The following MCC variants were observed in gnomAD, a reference collection of about 807,000 sequenced individuals.
The protein encoded by MCC is MCC regulator of Wnt signaling pathway.
A neutral mutation model predicts 116.2 loss-of-function variants in MCC; 90 were observed. That is an observed-to-expected ratio of 0.77 (90% confidence interval 0.65 to 0.92). MCC has a LOEUF of 0.92. Ranked by LOEUF, MCC falls within the 40% of genes least tolerant of loss-of-function variation. The pLI is 0.00. For missense variants in MCC, 1,516 were observed against 1,312.2 expected (o/e 1.16, Z -2.40); for synonymous variants, 578 against 510.5 (o/e 1.13, Z -1.78).
chr5:113,463,427 G>C (rs1025864823), intron 1 of MCC, among the ~76,000 whole-genome samples: 1 of 152,184 alleles, frequency 6.6e-6, no homozygotes, highest in African/African-American at 2.4e-5. Context: ...AAGGGAGATG[G>C]AAAGAAGTAG....
intron 3 of MCC, among the ~76,000 whole-genome samples, chr5:113,155,378 T>G (rs1220154630): frequency 6.6e-6 from 1 of 152,228 alleles, no homozygotes; most frequent in East Asian, 1.9e-4. Flanking sequence ...TAAGCCGATT[T>G]TCTTTGCTTT....
intron 8 of MCC, among the ~76,000 whole-genome samples, chr5:113,090,087 G>C (rs1755492987): frequency 6.6e-6 from 1 of 152,168 alleles, no homozygotes; most frequent in Non-Finnish European, 1.5e-5. Flanking sequence ...GCATGGATAA[G>C]GTCCAGGAAG....
At chr5:113,137,264 C>A (rs999144853) in intron 5 of MCC, among the ~76,000 whole-genome samples, 1 of 152,108 alleles carries the variant, frequency 6.6e-6, no homozygotes, top group Non-Finnish European at 1.5e-5. Context: ...CGTTCTTATG[C>A]TATCATAAGA....
At chr5:113,169,232 G>A (rs778137099) in intron 3 of MCC, among the ~76,000 whole-genome samples, 1 of 152,126 alleles carries the variant, frequency 6.6e-6, no homozygotes, top group Admixed American at 6.6e-5. Flanking sequence ...GAAATAGAAT[G>A]GATAGGCTGT....
intron 1 of MCC, chr5:113,433,959 G>T (rs754249824): frequency 6.2e-7 from 1 of 1,614,018 alleles, no homozygotes; most frequent in South Asian, 1.1e-5. Context: ...CAAGGGTTCA[G>T]TTCCCCGGGA....
At chr5:113,102,299 G>A (rs1373817302) in intron 7 of MCC, among the ~76,000 whole-genome samples, 1 of 152,198 alleles carries the variant, frequency 6.6e-6, no homozygotes, top group East Asian at 1.9e-4. Context: ...CAACCAGGCA[G>A]AAGGCCATTT....
At chr5:113,455,409 T>C (rs1466608391) in intron 1 of MCC, among the ~76,000 whole-genome samples, 1 of 152,070 alleles carries the variant, frequency 6.6e-6, no homozygotes, top group African/African-American at 2.4e-5. Context: ...CCACCTGCAC[T>C]TGGCACACGG....
At chr5:113,423,277 T>C (rs1027229184) in intron 1 of MCC, among the ~76,000 whole-genome samples, 1 of 152,190 alleles carries the variant, frequency 6.6e-6, no homozygotes. Context: ...GCAAAGAATA[T>C]ACATGTTAGA....
In MCC at chr5:113,313,647, A is replaced by G. The variant is rs115334827; in HGVS notation, c.627+26872T>C. On this transcript the variant is annotated intron_variant, in intron 3 of 18. Transcript: ENST00000408903. ...CCTTCAGCTATTTTCTTGGGTTCCT[A>G]TTTACTAGGGATGTTCTTTATGCAT... Among the ~76,000 whole-genome samples the G allele has an allele frequency of 2.2e-3, 328 of 152,214 alleles. 2 individuals carry two copies. Among genetic ancestry groups the G allele is most frequent in the African/African-American group, 7.2e-3 (300 of 41,520 alleles).
intron 5 of MCC, among the ~76,000 whole-genome samples, chr5:113,124,044 T>C (rs1427749334): frequency 6.6e-6 from 1 of 152,190 alleles, no homozygotes; most frequent in Non-Finnish European, 1.5e-5. Context: ...TCTTAAGATA[T>C]CAAATTTCTC....
At chr5:113,088,538 C>A (rs904891515) in intron 8 of MCC, among the ~76,000 whole-genome samples, 2 of 151,226 alleles carry the variant, frequency 1.3e-5, no homozygotes, top group African/African-American at 4.9e-5. Context: ...TTTGGGTGGG[C>A]CCTATGTGCA....
intron 5 of MCC, among the ~76,000 whole-genome samples, chr5:113,139,386 C>G (rs1306941581): frequency 6.6e-6 from 1 of 152,138 alleles, no homozygotes; most frequent in Non-Finnish European, 1.5e-5. Flanking sequence ...TCCAGAATCT[C>G]TTACAGGAAA....
chr5:113,167,116 T>C (rs1760811992), intron 3 of MCC, among the ~76,000 whole-genome samples: 1 of 152,202 alleles, frequency 6.6e-6, no homozygotes, highest in Non-Finnish European at 1.5e-5. Flanking sequence ...TCCAGTCTGA[T>C]GATTCTCTCA....
intron 3 of MCC, among the ~76,000 whole-genome samples, chr5:113,288,494 T>C (rs917956074): frequency 6.6e-5 from 10 of 152,178 alleles, no homozygotes; most frequent in Non-Finnish European, 1.2e-4. Flanking sequence ...CTATTCCTTA[T>C]CGACGAATCT....
At chr5:113,080,815 C>CAAAAA (rs1236332931) in intron 11 of MCC, among the ~76,000 whole-genome samples, 7 of 110,748 alleles carry the variant, frequency 6.3e-5, no homozygotes, top group East Asian at 4.8e-4. Context: ...ACAACAACAA[C>CAAAAA]AAAAAAAAAA....
intron 3 of MCC, among the ~76,000 whole-genome samples, chr5:113,195,572 C>T (rs113295852): frequency 0.018 from 2,695 of 152,222 alleles, 84 homozygotes; most frequent in African/African-American, 0.061. Context: ...CACCAGGACT[C>T]TGCAAACTGA....
intron 14 of MCC, 26 bp downstream of exon 14, chr5:113,063,958 C>T: frequency 1.3e-6 from 2 of 1,599,080 alleles, no homozygotes; most frequent in Non-Finnish European, 1.7e-6. Context: ...CACACGCCCA[C>T]CCCAGAGCAG....
chr5:113,488,242 TACCTGC>T lies in MCC; in HGVS notation c.167_170+2del. 1 of 1,588,402 alleles carries T rather than the reference TACCTGC, an allele frequency of 6.3e-7. No homozygotes were observed. On this transcript the variant is annotated splice_donor_variant and coding_sequence_variant, in exon 1 of 19. Coordinates refer to ENST00000408903, the MANE Select transcript of MCC (RefSeq NM_001085377.2). LOFTEE classifies it high-confidence loss of function. ...GTCGGTTTCCTCGTACCTCCCCGCG[TACCTGC>T]TGATGTATCCGTCCCCGTCGCCGTC... is the stretch of plus-strand genomic sequence containing the variant.
chr5:113,486,526 C>T (rs973141273), intron 1 of MCC, among the ~76,000 whole-genome samples: 1 of 152,252 alleles, frequency 6.6e-6, no homozygotes, highest in Non-Finnish European at 1.5e-5. Context: ...TCTGTATGCA[C>T]TCTTGCCCGT....
Sources: allele counts gnomAD v4.1 joint callset (sites outside exome capture counted in the v4.1 genomes callset), GRCh38; gene constraint gnomAD v4.1.1; transcripts MANE v1.5; gene names NCBI Gene and HGNC (gene_info 2026-07-23, HGNC 2026-07-21).